The following CTDSPL variants were observed in gnomAD, a reference collection of about 807,000 sequenced individuals.
CTDSPL encodes CTD small phosphatase-like protein.
In CTDSPL, 8 loss-of-function variants were observed where a neutral mutation model predicts 30.5. The ratio of observed to expected loss-of-function variants is 0.26; its 90% CI spans 0.15 to 0.47. The LOEUF (loss-of-function observed/expected upper bound fraction) is 0.47, where lower values mean the gene tolerates loss of function less well. Ranked by LOEUF, CTDSPL falls within the 20% of genes least tolerant of loss-of-function variation. CTDSPL has a pLI of 0.99. For synonymous variants in CTDSPL, 110 were observed against 137.9 expected (o/e 0.80, Z 1.42); for missense variants, 248 against 366.1 (o/e 0.68, Z 2.63).
chr3:37,960,480 CAAAAAAAAA>C (rs1208033395), intron 3 of CTDSPL, among the ~76,000 whole-genome samples: 121 of 4,804 alleles, frequency 0.025, no homozygotes, highest in South Asian at 0.14. Context: ...AACTCTGTCT[CAAAAAAAAA>C]AAAAAAAAAA....
Position 37,862,332 on chromosome 3 carries a change from G to C in CTDSPL, c.79+54G>C. On this transcript the variant is annotated intron_variant, in intron 1 of 7. Transcript: ENST00000273179. This position sits in a 1 kb window ranked among gnomAD's most constrained non-coding sequence, Gnocchi z 4.3. ...TGGGGGCGAGCGCACACCCCGCGCC[G>C]CTGGAGTTCACTGCCGGGCGCCGGC... 1.4e-6 allele frequency: 2 copies of C among 1,391,954 alleles called. No homozygotes were observed. The highest frequency in any genetic ancestry group is 3.0e-5 in the South Asian group (2 of 66,924). 86.2% of individuals were successfully genotyped at this position (1,391,954 alleles called of 1,614,324 possible). A position where few individuals can be genotyped will look rare whatever the true frequency, so the allele number is the denominator to read the frequency against.
At chr3:37,875,636 T>C (rs564305922) in intron 1 of CTDSPL, among the ~76,000 whole-genome samples, 1 of 152,376 alleles carries the variant, frequency 6.6e-6, no homozygotes, top group African/African-American at 2.4e-5. Flanking sequence ...TTAGCTCTTA[T>C]GCTTAGCCTA....
intron 1 of CTDSPL, among the ~76,000 whole-genome samples, chr3:37,945,166 G>C (rs1699021360): frequency 6.7e-6 from 1 of 149,880 alleles, no homozygotes; most frequent in Admixed American, 6.7e-5. Context: ...AAATTATCTG[G>C]GTGTGGCATA....
At chr3:37,888,491 G>A (rs1297766842) in intron 1 of CTDSPL, among the ~76,000 whole-genome samples, 1 of 152,162 alleles carries the variant, frequency 6.6e-6, no homozygotes, top group East Asian at 1.9e-4. Flanking sequence ...CCCTAGAAGG[G>A]TGTCAGAAAG....
intron 1 of CTDSPL, among the ~76,000 whole-genome samples, chr3:37,904,630 A>C (rs2125602800): frequency 6.6e-6 from 1 of 152,284 alleles, no homozygotes; most frequent in Non-Finnish European, 1.5e-5. Context: ...GGCATAGCTC[A>C]CCAGAGCCTT....
At position 37,862,371 on chromosome 3, in the gene CTDSPL, A is replaced by G; in HGVS notation, c.79+93A>G. The G allele has an allele frequency of 2.8e-6, 3 of 1,053,542 alleles. No homozygotes were observed. Among genetic ancestry groups the G allele is most frequent in the Non-Finnish European group, 3.7e-6 (3 of 803,108 alleles). The allele number at this position is 1,053,542 out of a possible 1,614,324, so 65.3% of individuals were successfully genotyped here. ...CCGGGCGCCGGCATGGGCCTGGGGG[A>G]GGGGTGCACAGGGCCCGGAGGGTGC... On this transcript the variant is annotated intron_variant, in intron 1 of 7. Transcript: ENST00000273179. This position sits in a 1 kb window ranked among gnomAD's most constrained non-coding sequence, Gnocchi z 4.3.
chr3:37,929,610 T>C (rs1020399684), intron 1 of CTDSPL, among the ~76,000 whole-genome samples: 8 of 152,238 alleles, frequency 5.3e-5, no homozygotes, highest in African/African-American at 1.9e-4. Context: ...TAGAAGCAGA[T>C]CTGTCTTTTG....
chr3:37,872,945 C>T (rs908368615), intron 1 of CTDSPL, among the ~76,000 whole-genome samples: 1 of 152,174 alleles, frequency 6.6e-6, no homozygotes, highest in African/African-American at 2.4e-5. Flanking sequence ...TACTGTACTG[C>T]AATGGGAGTG....
intron 2 of CTDSPL, among the ~76,000 whole-genome samples, chr3:37,950,553 T>A (rs1276823456): frequency 6.6e-6 from 1 of 152,202 alleles, no homozygotes. Flanking sequence ...GAAGAAGAAA[T>A]ATCTTACAAT....
chr3:37,894,262 T>A (rs1698366187), intron 1 of CTDSPL, among the ~76,000 whole-genome samples: 3 of 150,916 alleles, frequency 2.0e-5, no homozygotes, highest in Non-Finnish European at 4.4e-5. Flanking sequence ...TAAAAAAAGT[T>A]ATTTTTTTTT....
At chr3:37,936,656 TAAAAAAAAAAAAAA>T (rs577097327) in intron 1 of CTDSPL, among the ~76,000 whole-genome samples, 1 of 94,790 alleles carries the variant, frequency 1.1e-5, no homozygotes, top group East Asian at 3.0e-4. Flanking sequence ...TCTCCCCAGT[TAAAAAAAAAAAAAA>T]AAAAAAAAAA....
chr3:37,893,778 C>T (rs561095134), intron 1 of CTDSPL, among the ~76,000 whole-genome samples: 20 of 152,276 alleles, frequency 1.3e-4, no homozygotes, highest in African/African-American at 4.3e-4. Flanking sequence ...AAATGATTCT[C>T]AGTCTTAGAG....
intron 3 of CTDSPL, among the ~76,000 whole-genome samples, chr3:37,964,296 G>C (rs956824872): frequency 6.6e-6 from 1 of 152,102 alleles, no homozygotes; most frequent in Non-Finnish European, 1.5e-5. Context: ...TTTCATGGTA[G>C]GTATTACTAT....
At position 37,981,128 on chromosome 3, in the gene CTDSPL, A is replaced by AC; in HGVS notation, c.*261_*262insC. The AC allele has an allele frequency of 4.2e-5, 8 of 189,094 alleles. No individual in the cohort carries two copies. The highest frequency in any genetic ancestry group is 1.2e-4 in the East Asian group (1 of 8,306). 11.7% of individuals were successfully genotyped at this position (189,094 alleles called of 1,614,324 possible). A position where few individuals can be genotyped will look rare whatever the true frequency, so the allele number is the denominator to read the frequency against. ...AAAACATACCAAAAAAGAAAAAAAT[A>AC]GAAAAAAAAAAAAAAAAAGCTTGAT... On this transcript the variant is annotated 3_prime_UTR_variant, in exon 8 of 8. Coordinates refer to ENST00000273179, the MANE Select transcript of CTDSPL (RefSeq NM_001008392.2).
chr3:37,894,655 TTCTC>T (rs1205971459), intron 1 of CTDSPL, among the ~76,000 whole-genome samples: 3 of 152,160 alleles, frequency 2.0e-5, no homozygotes, highest in African/African-American at 7.2e-5. Flanking sequence ...TTCTGTCCCA[TTCTC>T]TCTCTCTTTG....
chr3:37,980,691 C>A, intron 7 of CTDSPL, 51 bp from the exon 8 acceptor site: 1 of 1,599,536 alleles, frequency 6.3e-7, no homozygotes, highest in South Asian at 1.1e-5. Flanking sequence ...TTAGGAGCAG[C>A]CCCCAGCGCT....
chr3:37,867,889 G>C (rs959881867), intron 1 of CTDSPL, among the ~76,000 whole-genome samples: 1 of 152,044 alleles, frequency 6.6e-6, no homozygotes, highest in Non-Finnish European at 1.5e-5. Flanking sequence ...ATTTATGTTT[G>C]TATAGCCACC....
chr3:37,980,940 T>G lies in CTDSPL; in HGVS notation c.*73T>G. On this transcript the variant is annotated 3_prime_UTR_variant, in exon 8 of 8. Coordinates refer to ENST00000273179, the MANE Select transcript of CTDSPL (RefSeq NM_001008392.2). ...CTCAGGGGACCTGCCTGTCCTCAGC[T>G]CCCTGGGAGCTGAAAGTGAGGATAC... 1 of 1,527,716 alleles carries G rather than the reference T, an allele frequency of 6.5e-7. No homozygotes were observed. Among genetic ancestry groups the G allele is most frequent in the Middle Eastern group, 2.1e-4 (1 of 4,864 alleles). The allele number at this position is 1,527,716 out of a possible 1,614,324, so 94.6% of individuals were successfully genotyped here.
chr3:37,959,199 A>ATCTG (rs1333425147), intron 3 of CTDSPL, among the ~76,000 whole-genome samples: 1 of 152,134 alleles, frequency 6.6e-6, no homozygotes. Context: ...TGGGGTCCCT[A>ATCTG]TCTGTGCCTG....
Sources: gnomAD v4.1 joint callset for allele counts (sites outside exome capture counted in the v4.1 genomes callset) on GRCh38, gnomAD v4.1.1 for gene constraint, Gnocchi (gnomAD v3.1) non-coding constraint, MANE v1.5 for transcripts, NCBI Gene and HGNC (gene_info 2026-07-23, HGNC 2026-07-21) for gene names.